The following VPS33A variants were observed in gnomAD, a reference collection of about 807,000 sequenced individuals.
The protein encoded by VPS33A is vacuolar protein sorting-associated protein 33A.
A neutral mutation model predicts 71.8 loss-of-function variants in VPS33A; 32 were observed. The ratio of observed to expected loss-of-function variants is 0.45; its 90% CI spans 0.34 to 0.60. The LOEUF (loss-of-function observed/expected upper bound fraction) is 0.60, where lower values mean the gene tolerates loss of function less well. Ranked by LOEUF, VPS33A falls within the 20% of genes least tolerant of loss-of-function variation. The pLI, the probability that VPS33A is intolerant of heterozygous loss-of-function variation, is 0.02. For missense variants in VPS33A, 625 were observed against 748.5 expected (o/e 0.84, Z 1.92); for synonymous variants, 311 against 292.7 (o/e 1.06, Z -0.64).
Position 122,266,451 on chromosome 12 carries a change from C to T in VPS33A, c.-43G>A, listed in dbSNP as rs374316774. The T allele has an allele frequency of 3.8e-6, 6 of 1,587,420 alleles. No individual in the cohort carries two copies. The African/African-American group carries it at 8.1e-5, about 21-fold the overall frequency. On this transcript the variant is annotated 5_prime_UTR_variant, in exon 1 of 13. Coordinates refer to ENST00000267199, the MANE Select transcript of VPS33A (RefSeq NM_022916.6). ...TGCCCCACAACGCCAACCGAGTCCG[C>T]CGGTTCCTACGGGAGGACCACGGAC...
intron 6 of VPS33A, among the ~76,000 whole-genome samples, chr12:122,247,585 T>C (rs973511871): frequency 2.0e-5 from 3 of 152,216 alleles, no homozygotes; most frequent in Non-Finnish European, 1.5e-5. Context: ...TCCTCATGCA[T>C]GTCTCTCTCT....
chr12:122,251,277 G>A (rs113625616), intron 4 of VPS33A, among the ~76,000 whole-genome samples, 178 bp from the exon 5 acceptor site: 3 of 152,204 alleles, frequency 2.0e-5, no homozygotes, highest in Non-Finnish European at 4.4e-5. Flanking sequence ...CAGACCAGGC[G>A]CTGAGGCTGG....
intron 3 of VPS33A, among the ~76,000 whole-genome samples, chr12:122,262,505 A>G (rs1345790208): frequency 6.6e-6 from 1 of 152,120 alleles, no homozygotes; most frequent in East Asian, 1.9e-4. Flanking sequence ...TATGCTTTTA[A>G]GATTTTAGGG....
intron 8 of VPS33A, among the ~76,000 whole-genome samples, chr12:122,240,674 T>C (rs1443078317): frequency 6.6e-6 from 1 of 152,180 alleles, no homozygotes; most frequent in Non-Finnish European, 1.5e-5. Context: ...CATAAAACAA[T>C]CTCCTACTCA....
Position 122,232,165 on chromosome 12 carries a change from T to C in VPS33A, c.*81A>G. On this transcript the variant is annotated 3_prime_UTR_variant, in exon 13 of 13. Coordinates refer to ENST00000267199, the MANE Select transcript of VPS33A (RefSeq NM_022916.6). ...ATTCTGTATTCCCATGTTTCTTCTATGGGGTTTTACTTCCTTTCAGCAATT... is the reference window on the plus strand; with the variant it reads ...ATTCTGTATTCCCATGTTTCTTCTACGGGGTTTTACTTCCTTTCAGCAATT... 4 of 1,325,632 alleles carry C rather than the reference T, an allele frequency of 3.0e-6. No individual in the cohort carries two copies. The highest frequency in any genetic ancestry group is 4.1e-6 in the Non-Finnish European group (4 of 964,628). 82.1% of individuals were successfully genotyped at this position (1,325,632 alleles called of 1,614,324 possible).
chr12:122,243,883 A>C (rs1259095850), intron 7 of VPS33A, among the ~76,000 whole-genome samples: 1 of 152,090 alleles, frequency 6.6e-6, no homozygotes, highest in Non-Finnish European at 1.5e-5. Context: ...TTGTACCACT[A>C]CACCCATCCT....
intron 1 of VPS33A, chr12:122,265,574 A>G: frequency 3.4e-6 from 1 of 292,828 alleles, no homozygotes; most frequent in Non-Finnish European, 7.4e-6. Flanking sequence ...TTCTGAATTG[A>G]AACTGGGCCC....
At chr12:122,255,707 CAAAA>C (rs71082953) in intron 4 of VPS33A, among the ~76,000 whole-genome samples, 1 of 35,470 alleles carries the variant, frequency 2.8e-5, no homozygotes, top group Non-Finnish European at 4.9e-5. Flanking sequence ...GACTCCGTCT[CAAAA>C]AAAAAAAAAA....
Position 122,249,952 on chromosome 12 carries a change from G to T in VPS33A, c.694C>A (p.Arg232=). 6.2e-7 allele frequency: 1 copy of T among 1,614,006 alleles called. No individual in the cohort carries two copies. The highest frequency in any genetic ancestry group is 8.5e-7 in the Non-Finnish European group (1 of 1,179,974). ...AGAGGTGTTAATAAATCCACATTCC[G>T]ATCAAGCAACAAGAGATTATCAAAA... ...PVFDNLLLLD[R]NVDLLTPLAT... is the part of the protein sequence containing the mutation. Residue 232 remains arginine (R), a synonymous_variant, in exon 6 of 13, where the codon CGG becomes AGG. Transcript: ENST00000267199.
chr12:122,252,932 A>C (rs1954864455), intron 4 of VPS33A: 1 of 152,226 alleles, frequency 6.6e-6, no homozygotes, highest in Non-Finnish European at 1.5e-5. Context: ...CTCATAAGTC[A>C]ATATGGTACA....
chr12:122,235,163 T>C (rs1408980288), intron 11 of VPS33A, among the ~76,000 whole-genome samples: 1 of 152,066 alleles, frequency 6.6e-6, no homozygotes, highest in African/African-American at 2.4e-5. Context: ...TTTTGCCATG[T>C]TGCCCAGGCT....
At chr12:122,259,642 AATG>A (rs1343457484) in intron 4 of VPS33A, among the ~76,000 whole-genome samples, 1 of 152,146 alleles carries the variant, frequency 6.6e-6, no homozygotes, top group Non-Finnish European at 1.5e-5. Flanking sequence ...TCAGCTGATG[AATG>A]ATAATATCAT....
At chr12:122,251,432 TG>T (rs1029814323) in intron 4 of VPS33A, among the ~76,000 whole-genome samples, 1 of 152,180 alleles carries the variant, frequency 6.6e-6, no homozygotes, top group Non-Finnish European at 1.5e-5. Flanking sequence ...CACTGAACGA[TG>T]GGTTCCCATT....
chr12:122,265,975 C>T (rs1955063090), intron 1 of VPS33A, among the ~76,000 whole-genome samples: 2 of 152,222 alleles, frequency 1.3e-5, no homozygotes. Context: ...CTGGACCATC[C>T]ACATTCTTGG....
At chr12:122,265,678 C>T (rs1241966133) in intron 1 of VPS33A, 3 of 450,124 alleles carry the variant, frequency 6.7e-6, no homozygotes, top group African/African-American at 6.0e-5. Flanking sequence ...CTCCCCAGTT[C>T]GACTTTTCAC....
At position 122,261,427 on chromosome 12, in the gene VPS33A, G is replaced by C. The variant is rs142468494; in HGVS notation, c.317C>G (p.Thr106Arg). 4.3e-6 allele frequency: 7 copies of C among 1,613,810 alleles called. No homozygotes were observed. Among genetic ancestry groups the C allele is most frequent in the African/African-American group, 1.3e-5 (1 of 75,004 alleles). ...CACAAACAGAATATGAAAATCTCTCGTTGGGCCTCGTCTATCTTCACTGCA... is the reference window on the plus strand; with the variant it reads ...CACAAACAGAATATGAAAATCTCTCCTTGGGCCTCGTCTATCTTCACTGCA... The part of the protein sequence containing the change: ...NVLSEDRRGP[T>R]RDFHILFVPR... Residue 106 changes from threonine (T) to arginine (R), a missense_variant, in exon 4 of 13, where the codon ACG (threonine) becomes AGG (arginine). Physicochemically the swap from Thr to Arg is moderately conservative, Grantham distance 71. Coordinates refer to ENST00000267199, the MANE Select transcript of VPS33A (RefSeq NM_022916.6).
chr12:122,245,082 C>CA (rs1954760000), intron 6 of VPS33A, among the ~76,000 whole-genome samples: 1 of 152,000 alleles, frequency 6.6e-6, no homozygotes, highest in African/African-American at 2.4e-5. Context: ...AGTATTTTTT[C>CA]AAACTGTAGA....
chr12:122,244,795 G>A (rs1372713161), intron 6 of VPS33A, 33 bp from the exon 7 acceptor site: 1 of 1,580,608 alleles, frequency 6.3e-7, no homozygotes, highest in African/African-American at 1.4e-5. Flanking sequence ...AAGCACCTGT[G>A]TGCAATGACT....
At position 122,231,555 on chromosome 12, in the gene VPS33A, T is replaced by C. The variant is rs931795413; in HGVS notation, c.*691A>G. On this transcript the variant is annotated 3_prime_UTR_variant, in exon 13 of 13. Transcript: ENST00000267199. ...AAATACAGCACTGGGGATTAGAGGA[T>C]GAACTTTCTCTTTTTATTTTCAGTT... 1.3e-5 allele frequency: 2 copies of C among 152,258 alleles called. No individual in the cohort carries two copies. Among genetic ancestry groups the C allele is most frequent in the Non-Finnish European group, 2.9e-5 (2 of 68,056 alleles). 9.4% of individuals were successfully genotyped at this position (152,258 alleles called of 1,614,324 possible).
Sources: gnomAD v4.1 joint callset for allele counts (sites outside exome capture counted in the v4.1 genomes callset) on GRCh38, gnomAD v4.1.1 for gene constraint, MANE v1.5 for transcripts, NCBI Gene and HGNC (gene_info 2026-07-23, HGNC 2026-07-21) for gene names.